The following TTLL4 variants were observed in gnomAD, a reference collection of about 807,000 sequenced individuals.
TTLL4 encodes tubulin tyrosine ligase like 4.
In TTLL4, 85 loss-of-function variants were observed where a neutral mutation model predicts 122.7. That is an observed-to-expected ratio of 0.69 (90% CI 0.58 to 0.83). The LOEUF (loss-of-function observed/expected upper bound fraction) is 0.83. Among genes scored for constraint, TTLL4 ranks in the 40% least tolerant of loss-of-function variants. The pLI is 0.00. For synonymous variants in TTLL4, 553 were observed against 563.0 expected (o/e 0.98, Z 0.25); for missense variants, 1,363 against 1,488.6 (o/e 0.92, Z 1.39).
At chr2:218,712,923 T>C (rs1234749518) in intron 1 of TTLL4, among the ~76,000 whole-genome samples, 4 of 152,236 alleles carry the variant, frequency 2.6e-5, no homozygotes, top group East Asian at 1.9e-4. Context: ...TCGTGTAAAC[T>C]GTATTCTTTG....
At chr2:218,719,473 C>T (rs1363229115) in intron 1 of TTLL4, among the ~76,000 whole-genome samples, 1 of 151,442 alleles carries the variant, frequency 6.6e-6, no homozygotes, top group Non-Finnish European at 1.5e-5. Context: ...TAAAGCCCTG[C>T]AGACAGGCAT....
chr2:218,736,609 C>T (rs146412385), intron 2 of TTLL4, among the ~76,000 whole-genome samples: 1 of 152,222 alleles, frequency 6.6e-6, no homozygotes, highest in East Asian at 1.9e-4. Flanking sequence ...AAAAATAATG[C>T]TGGTGTTTAG....
Position 218,752,310 on chromosome 2 carries a change from T to C in TTLL4, c.2977-453T>C, listed in dbSNP as rs904808331. 2.0e-5 allele frequency among the ~76,000 whole-genome samples: 3 copies of C among 152,198 alleles called. No individual in the cohort carries two copies. The South Asian group carries it at 6.2e-4, about 31-fold the overall frequency. ...TCTGTCATTCTGGGAGAGTGTTAAT[T>C]GTCTTTACCATGTTTTCTGGCCCCC... On this transcript the variant is annotated intron_variant, in intron 16 of 19. Transcript: ENST00000392102.
At chr2:218,746,310 AG>A in intron 8 of TTLL4, 79 bp downstream of exon 8, 1 of 1,311,196 alleles carries the variant, frequency 7.6e-7, no homozygotes, top group Non-Finnish European at 1.1e-6. Context: ...AGTAGGGGGT[AG>A]GGGGCGGGAA....
chr2:218,741,363 C>A (rs1174154338), intron 5 of TTLL4, among the ~76,000 whole-genome samples: 1 of 152,198 alleles, frequency 6.6e-6, no homozygotes. Flanking sequence ...CTGGGCTTGA[C>A]CAATATATGG....
chr2:218,756,531 C>T (rs538517749), downstream of TTLL4, among the ~76,000 whole-genome samples: 3 of 152,270 alleles, frequency 2.0e-5, no homozygotes, highest in South Asian at 2.1e-4. Context: ...ATGGGACTTA[C>T]ATACCACATT....
At position 218,748,733 on chromosome 2, in the gene TTLL4, GAGATATGA is replaced by G. The variant is rs1241615690; in HGVS notation, c.2502-99_2502-92del. 4.0e-5 allele frequency: 36 copies of G among 889,950 alleles called. No individual in the cohort carries two copies. In the Admixed American group the frequency reaches 9.3e-4, roughly 23 times the overall value. The allele number at this position is 889,950 out of a possible 1,614,324, so 55.1% of individuals were successfully genotyped here. A position where few individuals can be genotyped will look rare whatever the true frequency, so the allele number is the denominator to read the frequency against. On this transcript the variant is annotated intron_variant, in intron 12 of 19. Coordinates refer to ENST00000392102, the MANE Select transcript of TTLL4 (RefSeq NM_014640.5). ...TTCATAATTTAAACTGCGAAAGGAA[GAGATATGA>G]AGAAAATACCATTAGGTCTCTTCTT...
chr2:218,757,153 T>G (rs1194498387), downstream of TTLL4, among the ~76,000 whole-genome samples: 1 of 152,210 alleles, frequency 6.6e-6, no homozygotes, highest in African/African-American at 2.4e-5. Context: ...TGGTCACACC[T>G]TCTCCACTTG....
At chr2:218,721,241 A>G (rs1298120245) in intron 1 of TTLL4, among the ~76,000 whole-genome samples, 1 of 151,954 alleles carries the variant, frequency 6.6e-6, no homozygotes, top group African/African-American at 2.4e-5. Flanking sequence ...CCCCCAATTA[A>G]TTAATTAATT....
At chr2:218,751,950 C>A in intron 16 of TTLL4, 144 bp downstream of exon 16, 1 of 501,558 alleles carries the variant, frequency 2.0e-6, no homozygotes, top group Non-Finnish European at 3.2e-6. Flanking sequence ...TCTTGTTGCC[C>A]AGGCTGGAGT....
In TTLL4 at chr2:218,748,873, G is replaced by A. The variant is rs1942935148; in HGVS notation, c.2539G>A (p.Gly847Arg). 1 of 1,613,992 alleles carries A rather than the reference G, an allele frequency of 6.2e-7. No individual in the cohort carries two copies. The highest frequency in any genetic ancestry group is 1.7e-5 in the Admixed American group (1 of 59,990). The part of the protein sequence containing the change: ...KALWNYLSQK[G>R]VNSDAIWEKI... ...TTTGTGGAACTACCTGAGCCAGAAGGGAGTCAATAGCGACGCCATCTGGGA... is the reference window on the plus strand; with the variant it reads ...TTTGTGGAACTACCTGAGCCAGAAGAGAGTCAATAGCGACGCCATCTGGGA... The change falls in exon 13 of 20, where the codon GGA (glycine) becomes AGA (arginine). Residue 847 changes from glycine to arginine, a missense_variant. Gly to Arg is a moderately radical substitution (Grantham distance 125). This residue lies in a region of TTLL4 where 596 missense variants were observed against 655.8 expected (regional missense o/e 0.91). Transcript: ENST00000392102.
Position 218,712,604 on chromosome 2 carries a change from G to T in TTLL4, c.-178+1567G>T, listed in dbSNP as rs190508776. ...GGGTTTCACCATCTTGGCCAGGCTG[G>T]TCTCAAACTCCTGACCTCGTGATTC... On this transcript the variant is annotated intron_variant, in intron 1 of 19. Transcript: ENST00000392102. 5.9e-5 allele frequency among the ~76,000 whole-genome samples: 9 copies of T among 152,152 alleles called. No individual in the cohort carries two copies. The East Asian group carries it at 1.5e-3, about 26-fold the overall frequency.
At chr2:218,723,482 T>C (rs1942102552) in intron 1 of TTLL4, among the ~76,000 whole-genome samples, 1 of 152,228 alleles carries the variant, frequency 6.6e-6, no homozygotes, top group African/African-American at 2.4e-5. Flanking sequence ...TTGAGTAATA[T>C]GCCTTCCCTT....
In TTLL4 at chr2:218,737,955, G is replaced by T; in HGVS notation, c.279G>T (p.Thr93=). 6.2e-7 allele frequency: 1 copy of T among 1,614,172 alleles called. No individual in the cohort carries two copies. Among genetic ancestry groups the T allele is most frequent in the Non-Finnish European group, 8.5e-7 (1 of 1,180,028 alleles). Reference sequence around the variant, plus strand: ...GCACTTTATGTAGCTCTGGGACCACGGCTGTCATTGCAGGCCACAGCAGTT... The same window carrying T: ...GCACTTTATGTAGCTCTGGGACCACTGCTGTCATTGCAGGCCACAGCAGTT... ...CPSTLCSSGT[T]AVIAGHSSSC... is the part of the protein sequence containing the mutation. Residue 93 remains threonine (T), a synonymous_variant, in exon 3 of 20, where the codon ACG becomes ACT. Transcript: ENST00000392102.
chr2:218,737,573 C>G lies in TTLL4; in HGVS notation c.-98-6C>G. On this transcript the variant is annotated splice_polypyrimidine_tract_variant and splice_region_variant and intron_variant, in intron 2 of 19. Coordinates refer to ENST00000392102, the MANE Select transcript of TTLL4 (RefSeq NM_014640.5). The stretch of plus-strand genomic sequence containing the variant: ...TAACATTTCCTATCATTTCTCTCCA[C>G]TTCAGACTGACAGACTTCAAGGATG... The G allele has an allele frequency of 7.5e-7, 1 of 1,337,744 alleles. No individual in the cohort carries two copies. The highest frequency in any genetic ancestry group is 1.0e-6 in the Non-Finnish European group (1 of 973,984). The allele number at this position is 1,337,744 out of a possible 1,614,324, so 82.9% of individuals were successfully genotyped here. A position where few individuals can be genotyped will look rare whatever the true frequency, so the allele number is the denominator to read the frequency against.
chr2:218,744,733 C>T (rs1395322473), intron 5 of TTLL4, among the ~76,000 whole-genome samples: 2 of 152,050 alleles, frequency 1.3e-5, no homozygotes, highest in East Asian at 3.9e-4. Flanking sequence ...ATTCTTTTCT[C>T]TCATTTATTT....
intron 2 of TTLL4, chr2:218,736,526 A>T (rs1942527848): frequency 6.6e-6 from 1 of 152,232 alleles, no homozygotes; most frequent in Non-Finnish European, 1.5e-5. Flanking sequence ...GAGTAAAGAA[A>T]GCTTCTGTCC....
intron 3 of TTLL4, 74 bp downstream of exon 3, chr2:218,739,237 T>C (rs1942632917): frequency 1.3e-6 from 2 of 1,496,928 alleles, no homozygotes; most frequent in African/African-American, 2.8e-5. Flanking sequence ...GCACCGACCC[T>C]GTACCTCTGA....
intron 2 of TTLL4, among the ~76,000 whole-genome samples, chr2:218,732,657 G>A (rs1439064836): frequency 6.6e-6 from 1 of 152,154 alleles, no homozygotes; most frequent in East Asian, 1.9e-4. Context: ...TCACTTCTTA[G>A]ATTTTGGGTC....
Sources: allele counts gnomAD v4.1 joint callset (sites outside exome capture counted in the v4.1 genomes callset), GRCh38; gene constraint gnomAD v4.1.1; regional missense constraint gnomAD v4.1.1; transcripts MANE v1.5; gene names NCBI Gene and HGNC (gene_info 2026-07-23, HGNC 2026-07-21).